FGF12: variants seen among roughly 807,000 people sequenced by gnomAD.
FGF12 encodes fibroblast growth factor 12, also known as fibroblast growth factor 12B.
A neutral mutation model predicts 23.6 loss-of-function variants in FGF12; 14 were observed. That is an observed-to-expected ratio of 0.59 (90% confidence interval 0.39 to 0.93). The LOEUF is 0.93. FGF12 is among the 40% of genes least tolerant of loss of function. The pLI is 0.00. For missense variants in FGF12, 175 were observed against 217.8 expected, an observed-to-expected ratio of 0.80 and a Z score of 1.24; for synonymous variants, 62 against 77.3, an observed-to-expected ratio of 0.80 and a Z score of 1.04.
chr3:192,392,915 G>C (rs1720369660), intron 2 of FGF12, among the ~76,000 whole-genome samples: 1 of 152,192 alleles, frequency 6.6e-6, no homozygotes, highest in Admixed American at 6.5e-5. Context: ...TGAAGACTCT[G>C]TGATTACAAT....
At chr3:192,146,357 G>A (rs1314299591) in intron 5 of FGF12, among the ~76,000 whole-genome samples, 1 of 147,464 alleles carries the variant, frequency 6.8e-6, no homozygotes, top group Non-Finnish European at 1.5e-5. Context: ...TGCAAACTCC[G>A]CCTCCCGGGT....
At chr3:192,394,869 A>C (rs1467174724) in intron 2 of FGF12, among the ~76,000 whole-genome samples, 2 of 152,224 alleles carry the variant, frequency 1.3e-5, no homozygotes, top group African/African-American at 4.8e-5. Flanking sequence ...GAGGTAATCA[A>C]GAGTTGACAG....
intron 4 of FGF12, among the ~76,000 whole-genome samples, chr3:192,317,274 G>T (rs546209351): frequency 4.6e-5 from 7 of 151,934 alleles, no homozygotes; most frequent in Non-Finnish European, 1.0e-4. Context: ...CATCAAGCAG[G>T]TTCCCAGGGT....
At chr3:192,302,681 T>A (rs1169713577) in intron 4 of FGF12, among the ~76,000 whole-genome samples, 1 of 152,226 alleles carries the variant, frequency 6.6e-6, no homozygotes, top group Non-Finnish European at 1.5e-5. Context: ...AAGAGTTTAC[T>A]GCTGTATCAA....
chr3:192,661,082 GGAT>G (rs2108684395), intron 2 of FGF12, among the ~76,000 whole-genome samples: 1 of 152,096 alleles, frequency 6.6e-6, no homozygotes, highest in African/African-American at 2.4e-5. Context: ...TTAAGGTTAG[GGAT>G]GATGATAAGT....
At chr3:192,168,286 A>G (rs1282755614) in intron 5 of FGF12, among the ~76,000 whole-genome samples, 3 of 152,184 alleles carry the variant, frequency 2.0e-5, no homozygotes, top group African/African-American at 4.8e-5. Flanking sequence ...CAAACATTTC[A>G]TTTTTGAGAA....
At chr3:192,625,396 A>G (rs1715130585) in intron 2 of FGF12, among the ~76,000 whole-genome samples, 1 of 152,110 alleles carries the variant, frequency 6.6e-6, no homozygotes, top group African/African-American at 2.4e-5. Flanking sequence ...TTTAATTTTT[A>G]GTTTGCTTTT....
intron 5 of FGF12, 77 bp from the exon 6 acceptor site, chr3:192,144,204 T>C: frequency 1.2e-6 from 1 of 807,550 alleles, no homozygotes; most frequent in Non-Finnish European, 2.1e-6. Flanking sequence ...AATTTGATTT[T>C]ACAATATTCT....
At chr3:192,421,779 C>G (rs1721534276) in intron 2 of FGF12, among the ~76,000 whole-genome samples, 1 of 151,774 alleles carries the variant, frequency 6.6e-6, no homozygotes, top group South Asian at 2.1e-4. Context: ...TGTAACAAAC[C>G]TGCACATTCT....
intron 4 of FGF12, among the ~76,000 whole-genome samples, chr3:192,256,569 G>T (rs1408240394): frequency 6.6e-6 from 1 of 152,056 alleles, no homozygotes; most frequent in Non-Finnish European, 1.5e-5. Flanking sequence ...TATGGCATAT[G>T]CCATATATTT....
At chr3:192,160,454 G>T (rs770807405) in intron 5 of FGF12, among the ~76,000 whole-genome samples, 6 of 152,062 alleles carry the variant, frequency 3.9e-5, no homozygotes, top group Non-Finnish European at 7.4e-5. Context: ...CCACATCTTT[G>T]CATGGTTTAC....
chr3:192,445,915 C>T (rs911110390), intron 2 of FGF12, among the ~76,000 whole-genome samples: 3 of 152,166 alleles, frequency 2.0e-5, no homozygotes, highest in African/African-American at 4.8e-5. Flanking sequence ...TCCAGACACA[C>T]CAATCATTTT....
At chr3:192,203,538 C>T (rs1386863505) in intron 4 of FGF12, among the ~76,000 whole-genome samples, 8 of 149,392 alleles carry the variant, frequency 5.4e-5, no homozygotes, top group Admixed American at 5.3e-4. Context: ...AATGAGTCAG[C>T]TTACAAGCTT....
At chr3:192,629,662 T>C (rs1715310216) in intron 2 of FGF12, among the ~76,000 whole-genome samples, 1 of 151,646 alleles carries the variant, frequency 6.6e-6, no homozygotes, top group South Asian at 2.1e-4. Flanking sequence ...TATTGGATCT[T>C]TGAGCATCAT....
intron 2 of FGF12, among the ~76,000 whole-genome samples, chr3:192,577,679 T>C (rs1712968297): frequency 6.6e-6 from 1 of 152,230 alleles, no homozygotes; most frequent in Admixed American, 6.5e-5. Flanking sequence ...GTTCATAAAA[T>C]AATTTGTCAT....
intron 2 of FGF12, among the ~76,000 whole-genome samples, chr3:192,468,841 G>C (rs73070221): frequency 0.1 from 15,469 of 152,000 alleles, 2,533 homozygotes; most frequent in African/African-American, 0.34. Context: ...TGGGGTTTGC[G>C]GAACAGTGAT....
chr3:192,371,800 A>G (rs1180291486), intron 2 of FGF12, among the ~76,000 whole-genome samples: 1 of 152,168 alleles, frequency 6.6e-6, no homozygotes, highest in Non-Finnish European at 1.5e-5. Flanking sequence ...CACTAGTGCT[A>G]AATTACAGAG....
chr3:192,640,790 C>CTTT (rs34132622), intron 2 of FGF12, among the ~76,000 whole-genome samples: 14 of 122,216 alleles, frequency 1.1e-4, no homozygotes, highest in Non-Finnish European at 2.2e-4. Context: ...GTTAAAACCC[C>CTTT]TTTTTTTTGT....
intron 4 of FGF12, among the ~76,000 whole-genome samples, chr3:192,312,908 T>G (rs922616270): frequency 4.8e-4 from 73 of 152,182 alleles, no homozygotes; most frequent in African/African-American, 1.6e-3. Context: ...TAATATAACT[T>G]GGTACATGAT....
Sources: allele counts gnomAD v4.1 joint callset (sites outside exome capture counted in the v4.1 genomes callset), GRCh38; gene constraint gnomAD v4.1.1; transcripts MANE v1.5; gene names NCBI Gene and HGNC (gene_info 2026-07-23, HGNC 2026-07-21).